The following M1AP variants were observed in gnomAD, a reference collection of about 807,000 sequenced individuals.
M1AP encodes the protein meiosis 1 arrest protein.
M1AP carries 39 observed loss-of-function variants against 51.2 expected under a neutral mutation model. The ratio of observed to expected loss-of-function variants is 0.76; its 90% CI spans 0.59 to 1.00. The LOEUF is 1.00. Among genes scored for constraint, M1AP ranks in the 50% least tolerant of loss-of-function variants. The pLI is 0.00. For missense variants in M1AP, 545 were observed against 641.2 expected (o/e 0.85, Z 1.62); for synonymous variants, 251 against 249.2 (o/e 1.01, Z -0.07).
intron 8 of M1AP, 134 bp from the exon 9 acceptor site, chr2:74,560,425 G>C: frequency 1.1e-6 from 1 of 896,022 alleles, no homozygotes; most frequent in Non-Finnish European, 1.7e-6. Context: ...CTGTGAAATA[G>C]ATGCTGTCCC....
At position 74,567,043 on chromosome 2, in the gene M1AP, C is replaced by T. The variant is rs145066980; in HGVS notation, c.1075-4620G>A. Among the ~76,000 whole-genome samples the T allele has an allele frequency of 1.7e-3, 262 of 152,268 alleles. 2 individuals are homozygous for T. Among genetic ancestry groups the T allele is most frequent in the African/African-American group, 6.0e-3 (248 of 41,550 alleles). On this transcript the variant is annotated intron_variant, in intron 7 of 10. Coordinates refer to ENST00000421985, the MANE Select transcript of M1AP (RefSeq NM_001321739.2). ...GGAAAGTGAGTCACTAGCTACATAA[C>T]TAGGACTATACAGCAAGATTTGGTA...
At chr2:74,642,729 G>C (rs1350931405) in intron 1 of M1AP, among the ~76,000 whole-genome samples, 11 of 152,146 alleles carry the variant, frequency 7.2e-5, no homozygotes, top group Admixed American at 7.2e-4. Flanking sequence ...TTTCCCAAAA[G>C]ATCTCCTTGT....
At position 74,607,101 on chromosome 2, in the gene M1AP, T is replaced by C. The variant is rs1681056448; in HGVS notation, c.549A>G (p.Leu183=). 2 of 1,614,026 alleles carry C rather than the reference T, an allele frequency of 1.2e-6. No homozygotes were observed. The highest frequency in any genetic ancestry group is 1.7e-5 in the Admixed American group (1 of 60,002). The change falls in exon 4 of 11, where the codon CTA becomes CTG. Residue 183 remains leucine (L), a synonymous_variant. Transcript: ENST00000421985. ...FQVVEVTKGI[L]EHVDSASPVE... ...CAGGAGACGCTGAGTCCACGTGCTC[T>C]AGGATTCCCTTTGTGACCTCAACGA...
At position 74,560,167 on chromosome 2, in the gene M1AP, C is replaced by A. The variant is rs771759979; in HGVS notation, c.1406G>T (p.Ser469Ile). The stretch of plus-strand genomic sequence containing the variant: ...GAGCGGTACCTTTCTCGGAGCTCGG[C>A]TCTCCCAGTGTGGGTGGAGCCGCCC... ...PQGRLHPHWESRAPRKHPCKT... is the reference protein window; with the variant it reads ...PQGRLHPHWEIRAPRKHPCKT... The change falls in exon 9 of 11, where the codon AGC becomes ATC. Residue 469 changes from serine to isoleucine, a missense_variant. Ser to Ile is a moderately radical substitution (Grantham distance 142). Coordinates refer to ENST00000421985, the MANE Select transcript of M1AP (RefSeq NM_001321739.2). 1 of 1,613,862 alleles carries A rather than the reference C, an allele frequency of 6.2e-7. No homozygotes were observed.
At chr2:74,617,792 G>A (rs1267389817) in intron 2 of M1AP, among the ~76,000 whole-genome samples, 3 of 151,952 alleles carry the variant, frequency 2.0e-5, no homozygotes, top group African/African-American at 4.8e-5. Context: ...TTCTATTATC[G>A]AAGGTTCAGA....
chr2:74,561,235 G>T (rs868539071), intron 8 of M1AP, among the ~76,000 whole-genome samples: 11 of 126,748 alleles, frequency 8.7e-5, no homozygotes, highest in South Asian at 2.4e-4. Context: ...GGAGGAGAAG[G>T]AGGAGGAGGA....
At position 74,562,103 on chromosome 2, in the gene M1AP, C is replaced by T. The variant is rs73949685; in HGVS notation, c.1281+114G>A. ...CTTGCTTTCTCTTCTTACTCTCTTA[C>T]CACACTCCTTCAGCTCCGCATCCAT... On this transcript the variant is annotated intron_variant, in intron 8 of 10. Transcript: ENST00000421985. 5,946 of 1,482,036 alleles carry T rather than the reference C, an allele frequency of 4.0e-3. 210 individuals carry two copies. In the African/African-American group the frequency reaches 0.075, roughly 19 times the overall value. The allele number at this position is 1,482,036 out of a possible 1,614,324, so 91.8% of individuals were successfully genotyped here. A position where few individuals can be genotyped will look rare whatever the true frequency, so the allele number is the denominator to read the frequency against.
chr2:74,608,283 A>G (rs1313930118), intron 3 of M1AP, among the ~76,000 whole-genome samples: 1 of 152,192 alleles, frequency 6.6e-6, no homozygotes, highest in Non-Finnish European at 1.5e-5. Flanking sequence ...TGATCTTTTT[A>G]CTATATCACC....
chr2:74,647,877 A>G, intron 1 of M1AP: 1 of 331,588 alleles, frequency 3.0e-6, no homozygotes, highest in South Asian at 1.2e-4. Context: ...TTGGGCAACA[A>G]GGGTGAAACT....
chr2:74,582,665 T>C (rs1426475531), intron 4 of M1AP, among the ~76,000 whole-genome samples: 2 of 152,198 alleles, frequency 1.3e-5, no homozygotes, highest in African/African-American at 4.8e-5. Flanking sequence ...ATACTTTCCC[T>C]TTTTACTCTT....
At chr2:74,560,933 G>C (rs538100821) in intron 8 of M1AP, among the ~76,000 whole-genome samples, 39 of 152,254 alleles carry the variant, frequency 2.6e-4, no homozygotes, top group African/African-American at 9.1e-4. Context: ...GCAGCGACGT[G>C]GTTCCAGTTC....
At chr2:74,639,899 G>T in intron 2 of M1AP, 137 bp downstream of exon 2, 1 of 744,404 alleles carries the variant, frequency 1.3e-6, no homozygotes, top group Non-Finnish European at 2.2e-6. Context: ...GGCTCTCATG[G>T]TGTTACTCGG....
intron 3 of M1AP, among the ~76,000 whole-genome samples, chr2:74,612,377 C>G (rs930130600): frequency 1.3e-5 from 2 of 152,000 alleles, no homozygotes; most frequent in African/African-American, 4.8e-5. Context: ...GTGCACCACA[C>G]CTGGGTAATT....
intron 2 of M1AP, among the ~76,000 whole-genome samples, chr2:74,620,164 C>T (rs945296484): frequency 1.3e-5 from 2 of 152,060 alleles, no homozygotes; most frequent in African/African-American, 2.4e-5. Context: ...TTGACAAGGA[C>T]GACATTCATT....
intron 1 of M1AP, among the ~76,000 whole-genome samples, chr2:74,647,622 G>A (rs1463192958): frequency 1.3e-5 from 2 of 152,166 alleles, no homozygotes; most frequent in East Asian, 1.9e-4. Context: ...GGCCGGGCAC[G>A]GTGGCTCACG....
In M1AP at chr2:74,558,743, C is replaced by G. The variant is rs776246561; in HGVS notation, c.1566G>C (p.Glu522Asp). Residue 522 changes from glutamate (E) to aspartate (D), a missense_variant, in exon 11 of 11, where the codon GAG becomes GAC. Physicochemically the swap from Glu to Asp is conservative, Grantham distance 45. Coordinates refer to ENST00000421985, the MANE Select transcript of M1AP (RefSeq NM_001321739.2). ...SSSDAFFLPS[E>D]WEKDPSRP is the part of the protein sequence containing the mutation. ...AGGGCCTTGAGGGATCCTTCTCCCA[C>G]TCTGAAGGCAGGAAGAAGGCATCTG... 1.9e-6 allele frequency: 3 copies of G among 1,612,796 alleles called. No homozygotes were observed. The highest frequency in any genetic ancestry group is 2.5e-6 in the Non-Finnish European group (3 of 1,179,512).
chr2:74,628,787 A>C lies in M1AP; in HGVS notation c.240+11249T>G, dbSNP rs561033455. On this transcript the variant is annotated intron_variant, in intron 2 of 10. Transcript: ENST00000421985. The stretch of plus-strand genomic sequence containing the variant: ...AGCTGCTGCTGAGTAACTCACAGAG[A>C]AGATAGACAATGATTGCACTGACTT... 1.4e-5 allele frequency: 7 copies of C among 506,192 alleles called. No homozygotes were observed. In the East Asian group the frequency reaches 3.6e-4, roughly 26 times the overall value. The allele number at this position is 506,192 out of a possible 1,614,324, so 31.4% of individuals were successfully genotyped here. A position where few individuals can be genotyped will look rare whatever the true frequency, so the allele number is the denominator to read the frequency against.
At chr2:74,567,522 A>C (rs1331585512) in intron 7 of M1AP, among the ~76,000 whole-genome samples, 1 of 152,264 alleles carries the variant, frequency 6.6e-6, no homozygotes, top group East Asian at 1.9e-4. Flanking sequence ...CAAATTCCTC[A>C]TCTGTAAAAC....
At chr2:74,580,526 TA>T (rs1376590830) in intron 5 of M1AP, among the ~76,000 whole-genome samples, 1 of 152,176 alleles carries the variant, frequency 6.6e-6, no homozygotes. Context: ...CGGCCATCCC[TA>T]GACAGAAAGG....
Sources: allele counts gnomAD v4.1 joint callset (sites outside exome capture counted in the v4.1 genomes callset), GRCh38; gene constraint gnomAD v4.1.1; transcripts MANE v1.5; gene names NCBI Gene and HGNC (gene_info 2026-07-23, HGNC 2026-07-21).